CCDC33: variants seen among roughly 807,000 people sequenced by gnomAD.
CCDC33 encodes coiled-coil domain-containing protein 33.
Under a neutral mutation model 91.9 loss-of-function variants are expected in CCDC33, and 94 were observed. That is an observed-to-expected ratio of 1.02 (90% confidence interval 0.87 to 1.21). CCDC33 has a LOEUF of 1.21. CCDC33 is among the 50% of genes most tolerant of loss of function. The pLI is 0.00. For missense variants in CCDC33, 940 were observed against 935.5 expected (o/e 1.00, Z -0.06); for synonymous variants, 396 against 374.5 (o/e 1.06, Z -0.66).
chr15:74,243,585 G>A (rs966446424), intron 1 of CCDC33: 5 of 454,486 alleles, frequency 1.1e-5, no homozygotes, highest in African/African-American at 8.0e-5. Flanking sequence ...AAGGGTGACA[G>A]AGGGAGGCAG....
intron 11 of CCDC33, among the ~76,000 whole-genome samples, chr15:74,324,813 C>T (rs555550580): frequency 6.6e-6 from 1 of 150,898 alleles, no homozygotes; most frequent in East Asian, 2.0e-4. Context: ...CCCTCCTTCC[C>T]ACTCCAGACC....
At position 74,330,706 on chromosome 15, in the gene CCDC33, G is replaced by T; in HGVS notation, c.1500G>T (p.Lys500Asn). Residue 500 changes from lysine (K) to asparagine (N), a missense_variant, in exon 13 of 19, where the codon AAG (lysine) becomes AAT (asparagine). Lys to Asn is a moderately conservative substitution (Grantham distance 94, BLOSUM62 0). Coordinates refer to ENST00000398814, the MANE Select transcript of CCDC33 (RefSeq NM_025055.5). Reference sequence around the variant, plus strand: ...TGCTGCTGAGTGAGCTGGATATGAAGAAACTGAGGGACAGGGTGCAGCATT... The same window carrying T: ...TGCTGCTGAGTGAGCTGGATATGAATAAACTGAGGGACAGGGTGCAGCATT... ...QKLLLSELDM[K>N]KLRDRVQHLQ... 4 of 1,613,724 alleles carry T rather than the reference G, an allele frequency of 2.5e-6. No individual in the cohort carries two copies. Among genetic ancestry groups the T allele is most frequent in the Non-Finnish European group, 3.4e-6 (4 of 1,179,998 alleles).
intron 5 of CCDC33, among the ~76,000 whole-genome samples, chr15:74,269,837 G>A (rs1205575547): frequency 6.6e-6 from 1 of 152,228 alleles, no homozygotes; most frequent in Non-Finnish European, 1.5e-5. Context: ...CGCATGGCAG[G>A]AGCAGGAACT....
At position 74,268,799 on chromosome 15, in the gene CCDC33, G is replaced by T. The variant is rs142268387; in HGVS notation, c.546+341G>T. The stretch of plus-strand genomic sequence containing the variant: ...CCTGTCTCCCCGAATCTTATGCTAG[G>T]GGCAGGGGAGAAGCCCCGTGCTCCC... On this transcript the variant is annotated intron_variant, in intron 5 of 18. Coordinates refer to ENST00000398814, the MANE Select transcript of CCDC33 (RefSeq NM_025055.5). Among the ~76,000 whole-genome samples, 801 of 152,308 alleles carry T rather than the reference G, an allele frequency of 5.3e-3. 9 individuals carry two copies. In the Middle Eastern group the frequency reaches 0.058, roughly 11 times the overall value.
intron 4 of CCDC33, among the ~76,000 whole-genome samples, chr15:74,267,646 T>G (rs1460097107): frequency 6.6e-6 from 1 of 151,962 alleles, no homozygotes; most frequent in African/African-American, 2.4e-5. Context: ...TGGTTGAGAG[T>G]AAAGAACAAT....
At chr15:74,250,120 C>G (rs1224749725) in intron 2 of CCDC33, among the ~76,000 whole-genome samples, 1 of 152,202 alleles carries the variant, frequency 6.6e-6, no homozygotes, top group Non-Finnish European at 1.5e-5. Context: ...CTCCCGGTCT[C>G]TCGGATTGAG....
intron 10 of CCDC33, among the ~76,000 whole-genome samples, chr15:74,286,500 C>T (rs913168039): frequency 6.6e-6 from 1 of 152,152 alleles, no homozygotes; most frequent in East Asian, 1.9e-4. Context: ...AAGTGAGGCC[C>T]ACACTGCCCA....
chr15:74,310,166 A>C (rs2059964779), intron 11 of CCDC33, among the ~76,000 whole-genome samples: 1 of 152,032 alleles, frequency 6.6e-6, no homozygotes, highest in Non-Finnish European at 1.5e-5. Context: ...AACAAAATAA[A>C]AACAAAAACA....
At chr15:74,320,543 C>A (rs1337916286) in intron 11 of CCDC33, among the ~76,000 whole-genome samples, 2 of 152,056 alleles carry the variant, frequency 1.3e-5, no homozygotes, top group Admixed American at 1.3e-4. Context: ...ACAGCAGCTG[C>A]CAGGCCCTGC....
chr15:74,283,320 C>G (rs1466630447), intron 10 of CCDC33, among the ~76,000 whole-genome samples: 1 of 152,220 alleles, frequency 6.6e-6, no homozygotes, highest in Non-Finnish European at 1.5e-5. Flanking sequence ...CCAGCCCCTC[C>G]CCACCTCCCT....
chr15:74,207,575 T>C, intron 1 of CCDC33: 1 of 949,272 alleles, frequency 1.1e-6, no homozygotes, highest in Admixed American at 2.1e-5. Flanking sequence ...TGACTCTGAG[T>C]CCAGCAGCAA....
chr15:74,260,857 CATATTT>C (rs1275634183), intron 2 of CCDC33, among the ~76,000 whole-genome samples: 2 of 152,170 alleles, frequency 1.3e-5, no homozygotes, highest in Non-Finnish European at 2.9e-5. Context: ...TAACAGGAAT[CATATTT>C]ATATTTTAAT....
At position 74,219,160 on chromosome 15, in the gene CCDC33, TC is replaced by T. The variant is rs1248602815; in HGVS notation, c.675+300del. On this transcript the variant is annotated intron_variant, in intron 2 of 2. Coordinates refer to the CCDC33 transcript ENST00000635913. ...GACCCTTCAGTTCCCAACCTCGTTC[TC>T]ACCAGTTTTTGTGGGAGGCCCCGAG... is the stretch of plus-strand genomic sequence containing the variant. Among the ~76,000 whole-genome samples, 26 of 152,214 alleles carry T rather than the reference TC, an allele frequency of 1.7e-4. 1 individual carries two copies. Among genetic ancestry groups the T allele is most frequent in the Admixed American group, 1.6e-3 (25 of 15,288 alleles).
intron 10 of CCDC33, among the ~76,000 whole-genome samples, chr15:74,294,817 C>A (rs1279117847): frequency 6.6e-6 from 1 of 151,860 alleles, no homozygotes; most frequent in African/African-American, 2.4e-5. Context: ...AGACAGCCAA[C>A]TGCTAGACCA....
chr15:74,291,757 A>G (rs1567006241), intron 10 of CCDC33, among the ~76,000 whole-genome samples: 1 of 152,194 alleles, frequency 6.6e-6, no homozygotes. Context: ...AATGGGTAGG[A>G]GGAAGGCAGA....
At chr15:74,262,281 G>A (rs2076045095) in intron 2 of CCDC33, among the ~76,000 whole-genome samples, 159 bp from the exon 3 acceptor site, 2 of 152,142 alleles carry the variant, frequency 1.3e-5, no homozygotes, top group Non-Finnish European at 2.9e-5. Flanking sequence ...AGGAGAGCTG[G>A]GGGAGAGGCC....
intron 13 of CCDC33, 68 bp from the exon 14 acceptor site, chr15:74,330,913 G>T (rs573094627): frequency 2.6e-6 from 4 of 1,542,570 alleles, no homozygotes; most frequent in East Asian, 4.6e-5. Flanking sequence ...GGCCGAGGTG[G>T]ACCCTCAGGG....
At chr15:74,334,603 G>T (rs993661259) in intron 17 of CCDC33, among the ~76,000 whole-genome samples, 1 of 151,950 alleles carries the variant, frequency 6.6e-6, no homozygotes, top group Admixed American at 6.6e-5. Context: ...ACGAGGTTAG[G>T]GTTCTGTGTA....
At position 74,218,601 on chromosome 15, in the gene CCDC33, T is replaced by C. The variant is rs532125179; in HGVS notation, c.415T>C (p.Phe139Leu). 1.6e-6 allele frequency: 2 copies of C among 1,289,846 alleles called. No homozygotes were observed. Among genetic ancestry groups the C allele is most frequent in the Admixed American group, 4.6e-5 (2 of 43,566 alleles). 79.9% of individuals were successfully genotyped at this position (1,289,846 alleles called of 1,614,324 possible). ...AGCCCAGCGGGTGGGTGAGGCCATC[T>C]TCCCCATCTACCCGAGGCCAGACCA... The change falls in exon 2 of 3, where the codon TTC becomes CTC. Residue 139 changes from phenylalanine (F) to leucine (L), a missense_variant. Transcript: ENST00000635913. The surrounding 1 kb of genome is among the most constrained non-coding windows in gnomAD (Gnocchi z 4.8).
Sources: allele counts gnomAD v4.1 joint callset (sites outside exome capture counted in the v4.1 genomes callset), GRCh38; gene constraint gnomAD v4.1.1; non-coding constraint Gnocchi (gnomAD v3.1); transcripts MANE v1.5; gene names NCBI Gene and HGNC (gene_info 2026-07-23, HGNC 2026-07-21).